RBMS1: variants seen among roughly 807,000 people sequenced by gnomAD.
RBMS1 encodes the protein RNA-binding motif, single-stranded-interacting protein 1.
A neutral mutation model predicts 62.3 loss-of-function variants in RBMS1; 17 were observed. The observed-to-expected ratio is 0.27, with a 90% CI of 0.19 to 0.41. The LOEUF is 0.41. Among genes scored for constraint, RBMS1 ranks in the 10% least tolerant of loss-of-function variants. The pLI, the probability that RBMS1 is intolerant of heterozygous loss-of-function variation, is 1.00. For missense variants in RBMS1, 334 were observed against 504.5 expected, an observed-to-expected ratio of 0.66 and a Z score of 3.24; for synonymous variants, 172 against 170.0, an observed-to-expected ratio of 1.01 and a Z score of -0.09.
chr2:160,348,496 A>AAG (rs1692309585), intron 2 of RBMS1, among the ~76,000 whole-genome samples: 1 of 152,150 alleles, frequency 6.6e-6, no homozygotes, highest in Non-Finnish European at 1.5e-5. Context: ...ATCAACAGCA[A>AAG]AGAACACAGG....
chr2:160,407,898 C>A, intron 1 of RBMS1: 1 of 980,738 alleles, frequency 1.0e-6, no homozygotes, highest in Non-Finnish European at 1.2e-6. Context: ...CCTCAACCAC[C>A]GCCCTGAGAG....
chr2:160,439,203 C>T (rs1015474075), intron 1 of RBMS1, among the ~76,000 whole-genome samples: 1 of 151,590 alleles, frequency 6.6e-6, no homozygotes, highest in South Asian at 2.1e-4. Context: ...CTGACCCCCC[C>T]ACCTCCCTCT....
intron 1 of RBMS1, among the ~76,000 whole-genome samples, chr2:160,449,353 C>T (rs1230733806): frequency 1.1e-4 from 17 of 152,220 alleles, no homozygotes; most frequent in Non-Finnish European, 2.2e-4. Flanking sequence ...GAGAATGGGC[C>T]ATGATGACGA....
At chr2:160,450,551 A>T (rs940431087) in intron 1 of RBMS1, among the ~76,000 whole-genome samples, 11 of 35,814 alleles carry the variant, frequency 3.1e-4, no homozygotes, top group South Asian at 1.7e-3. Flanking sequence ...AAAAAAAATA[A>T]AAAATAAAAA....
chr2:160,331,897 T>C (rs1326463052), intron 2 of RBMS1, among the ~76,000 whole-genome samples: 1 of 152,164 alleles, frequency 6.6e-6, no homozygotes, highest in Admixed American at 6.5e-5. Context: ...GAGCAGGGTT[T>C]CACAAAAACT....
At chr2:160,461,311 A>G (rs1276877447) in intron 1 of RBMS1, among the ~76,000 whole-genome samples, 1 of 152,216 alleles carries the variant, frequency 6.6e-6, no homozygotes, top group Non-Finnish European at 1.5e-5. Context: ...AGAAAGAAAG[A>G]AAGAAAAAAT....
At chr2:160,322,170 C>G (rs559201229) in intron 2 of RBMS1, among the ~76,000 whole-genome samples, 6 of 152,258 alleles carry the variant, frequency 3.9e-5, no homozygotes, top group African/African-American at 1.2e-4. Context: ...TGTTATTATT[C>G]CCATTTGTGC....
chr2:160,284,689 C>T (rs930486487), intron 9 of RBMS1, 86 bp downstream of exon 9: 1 of 1,101,972 alleles, frequency 9.1e-7, no homozygotes, highest in Non-Finnish European at 1.4e-6. Context: ...TTCATAAACG[C>T]TCAAAATTTT....
chr2:160,298,745 C>T (rs936759376), intron 6 of RBMS1, among the ~76,000 whole-genome samples: 2 of 152,046 alleles, frequency 1.3e-5, no homozygotes, highest in Non-Finnish European at 2.9e-5. Flanking sequence ...GTCCTAACAC[C>T]CAGCCCTCAG....
intron 8 of RBMS1, 46 bp downstream of exon 8, chr2:160,284,949 T>A: frequency 6.3e-7 from 1 of 1,587,052 alleles, no homozygotes; most frequent in Non-Finnish European, 8.7e-7. Flanking sequence ...ATTTTCCACC[T>A]TCACATTTTC....
intron 1 of RBMS1, among the ~76,000 whole-genome samples, chr2:160,400,733 G>A (rs979198022): frequency 1.3e-5 from 2 of 152,028 alleles, no homozygotes; most frequent in Non-Finnish European, 2.9e-5. Flanking sequence ...TTTAAAATAT[G>A]TATAAAAAAT....
chr2:160,326,190 A>G (rs1690917422), intron 2 of RBMS1, among the ~76,000 whole-genome samples: 1 of 152,222 alleles, frequency 6.6e-6, no homozygotes, highest in African/African-American at 2.4e-5. Flanking sequence ...AGATAAGTAC[A>G]GTCAAGAAAG....
chr2:160,288,601 C>A (rs1688526424), intron 6 of RBMS1, among the ~76,000 whole-genome samples: 1 of 152,114 alleles, frequency 6.6e-6, no homozygotes, highest in South Asian at 2.1e-4. Context: ...GAGTCAGGAA[C>A]AAAAATGTTA....
chr2:160,464,151 C>T (rs994764066), intron 1 of RBMS1, among the ~76,000 whole-genome samples: 1 of 152,096 alleles, frequency 6.6e-6, no homozygotes, highest in Non-Finnish European at 1.5e-5. Flanking sequence ...CACTTGCAGA[C>T]ACATGTCTCA....
intron 2 of RBMS1, among the ~76,000 whole-genome samples, chr2:160,342,207 C>G (rs1691910015): frequency 6.6e-6 from 1 of 152,110 alleles, no homozygotes; most frequent in Admixed American, 6.5e-5. Context: ...AAATTTTAAA[C>G]ATAAATAATC....
chr2:160,454,266 C>T (rs182493797), intron 1 of RBMS1, among the ~76,000 whole-genome samples: 1 of 152,336 alleles, frequency 6.6e-6, no homozygotes, highest in African/African-American at 2.4e-5. Flanking sequence ...CAATTATTTA[C>T]TCTTTTCATG....
At chr2:160,324,532 GT>G (rs1277071361) in intron 2 of RBMS1, among the ~76,000 whole-genome samples, 2 of 151,148 alleles carry the variant, frequency 1.3e-5, no homozygotes, top group African/African-American at 4.9e-5. Flanking sequence ...TAAAACAACA[GT>G]AAAAAAAAAA....
chr2:160,454,893 A>T (rs998194140), intron 1 of RBMS1, among the ~76,000 whole-genome samples: 1 of 152,136 alleles, frequency 6.6e-6, no homozygotes, highest in Non-Finnish European at 1.5e-5. Context: ...CATTTATTTG[A>T]TTTTTCAGTA....
chr2:160,482,368 T>C (rs754748237), intron 1 of RBMS1, among the ~76,000 whole-genome samples: 5 of 152,240 alleles, frequency 3.3e-5, no homozygotes, highest in Admixed American at 6.5e-5. Context: ...GGTTATTACA[T>C]GAGTATATCA....
Sources: allele counts gnomAD v4.1 joint callset (sites outside exome capture counted in the v4.1 genomes callset), GRCh38; gene constraint gnomAD v4.1.1; transcripts MANE v1.5; gene names NCBI Gene and HGNC (gene_info 2026-07-23, HGNC 2026-07-21).